The following CSMD3 variants were observed in gnomAD, a reference collection of about 807,000 sequenced individuals.
CSMD3 encodes the protein CUB and Sushi multiple domains 3.
A neutral mutation model predicts 435.2 loss-of-function variants in CSMD3; 177 were observed. That is an observed-to-expected ratio of 0.41 (90% CI 0.36 to 0.46). The LOEUF is 0.46. CSMD3 is among the 20% of genes least tolerant of loss of function. The pLI is 0.34. For synonymous variants in CSMD3, 1,656 were observed against 1,520.5 expected, an observed-to-expected ratio of 1.09 and a Z score of -2.07; for missense variants, 4,265 against 4,504.6, an observed-to-expected ratio of 0.95 and a Z score of 1.52.
At chr8:112,671,329 A>G (rs2075651030) in intron 16 of CSMD3, among the ~76,000 whole-genome samples, 1 of 151,940 alleles carries the variant, frequency 6.6e-6, no homozygotes, top group Middle Eastern at 3.4e-3. Flanking sequence ...GTCTTTTTCA[A>G]TGACCTGGGA....
At chr8:113,092,924 A>T (rs1267220290) in intron 5 of CSMD3, among the ~76,000 whole-genome samples, 1 of 152,096 alleles carries the variant, frequency 6.6e-6, no homozygotes, top group Non-Finnish European at 1.5e-5. Context: ...TCTTTTATTC[A>T]TAGTTAAACC....
At position 112,587,082 on chromosome 8, in the gene CSMD3, T is replaced by A. The variant is rs772548725; in HGVS notation, c.3869A>T (p.Gln1290Leu). 1.2e-6 allele frequency: 2 copies of A among 1,610,426 alleles called. No homozygotes were observed. The highest frequency in any genetic ancestry group is 1.7e-6 in the Non-Finnish European group (2 of 1,177,514). The change falls in exon 23 of 71, where the codon CAA becomes CTA. Residue 1290 changes from glutamine to leucine, a missense_variant. By Grantham distance (113) the Gln-to-Leu change is moderately radical. This residue lies in a region of CSMD3 where 3,255 missense variants were observed against 3,380.2 expected (regional missense o/e 0.96). Coordinates refer to ENST00000297405, the MANE Select transcript of CSMD3 (RefSeq NM_198123.2). ...NISARTFHLA[Q>L]GDVLKIYDGK... ...TTCACCTACCTTAAGAACATCTCCT[T>A]GTGCTAAATGAAATGTTCTGGCTGA...
At chr8:113,270,024 G>A (rs541932856) in intron 3 of CSMD3, among the ~76,000 whole-genome samples, 11 of 151,354 alleles carry the variant, frequency 7.3e-5, no homozygotes, top group African/African-American at 1.9e-4. Flanking sequence ...GAGTGAACAG[G>A]CAACCTACAG....
At chr8:113,021,588 C>T (rs912447281) in intron 5 of CSMD3, among the ~76,000 whole-genome samples, 2 of 152,018 alleles carry the variant, frequency 1.3e-5, no homozygotes, top group African/African-American at 4.8e-5. Flanking sequence ...ACATGAGAAT[C>T]GGCTCCACAA....
chr8:113,312,679 T>C (rs1012024650), intron 2 of CSMD3: 4 of 152,196 alleles, frequency 2.6e-5, no homozygotes, highest in Non-Finnish European at 4.4e-5. Context: ...TATTTTTATA[T>C]ATTTAGGAAA....
At chr8:112,436,595 C>T (rs888737611) in intron 32 of CSMD3, among the ~76,000 whole-genome samples, 1 of 151,068 alleles carries the variant, frequency 6.6e-6, no homozygotes, top group Non-Finnish European at 1.5e-5. Context: ...TATATGTATA[C>T]AAAAAAGTGT....
chr8:112,743,303 A>T lies in CSMD3; in HGVS notation c.1973-53253T>A, dbSNP rs189102956. ...TAAGGCTTACATTCTCACCAAAAAA[A>T]AAAAATAAATAAATAAAAAGAAGAC... On this transcript the variant is annotated intron_variant, in intron 13 of 70. Transcript: ENST00000297405. 7.2e-5 allele frequency among the ~76,000 whole-genome samples: 11 copies of T among 152,012 alleles called. No homozygotes were observed. The East Asian group carries it at 1.4e-3, about 19-fold the overall frequency.
intron 31 of CSMD3, among the ~76,000 whole-genome samples, chr8:112,478,704 G>A (rs1301391192): frequency 2.0e-5 from 3 of 152,158 alleles, no homozygotes; most frequent in Non-Finnish European, 2.9e-5. Flanking sequence ...GGTCCGTGGT[G>A]AAACCCCACC....
chr8:112,690,145 G>T, intron 13 of CSMD3, 95 bp from the exon 14 acceptor site: 2 of 897,972 alleles, frequency 2.2e-6, no homozygotes, highest in Non-Finnish European at 3.6e-6. Context: ...TTGTTGTGGA[G>T]ATATTTCAGA....
At chr8:113,008,981 G>T (rs910371656) in intron 6 of CSMD3, among the ~76,000 whole-genome samples, 1 of 151,110 alleles carries the variant, frequency 6.6e-6, no homozygotes, top group African/African-American at 2.4e-5. Context: ...AAATATATTA[G>T]TAATATTTTA....
intron 7 of CSMD3, among the ~76,000 whole-genome samples, chr8:112,955,507 T>C (rs183327723): frequency 6.6e-6 from 1 of 151,950 alleles, no homozygotes; most frequent in East Asian, 1.9e-4. Flanking sequence ...ATCTATTATG[T>C]CTTTGTGTTG....
At chr8:113,075,669 G>C (rs764400857) in intron 5 of CSMD3, among the ~76,000 whole-genome samples, 1 of 151,760 alleles carries the variant, frequency 6.6e-6, no homozygotes, top group African/African-American at 2.4e-5. Flanking sequence ...TAAGGGTGAT[G>C]AAATATGCCT....
chr8:112,302,162 A>G (rs868656493), intron 52 of CSMD3, among the ~76,000 whole-genome samples, 196 bp from the exon 53 acceptor site: 8 of 152,028 alleles, frequency 5.3e-5, no homozygotes, highest in South Asian at 4.1e-4. Flanking sequence ...ACCCTCTTTA[A>G]GTCCCCATAG....
At chr8:112,400,701 G>A (rs1831250739) in intron 35 of CSMD3, among the ~76,000 whole-genome samples, 2 of 152,096 alleles carry the variant, frequency 1.3e-5, no homozygotes, top group African/African-American at 4.8e-5. Context: ...CCTTTCATAG[G>A]CTTTAGTTCC....
At chr8:113,330,263 T>TA (rs2094017480) in intron 1 of CSMD3, among the ~76,000 whole-genome samples, 1 of 151,988 alleles carries the variant, frequency 6.6e-6, no homozygotes, top group East Asian at 1.9e-4. Flanking sequence ...AATGTTGAAG[T>TA]AAGAAGCTAA....
chr8:113,332,306 T>TA (rs201831037), intron 1 of CSMD3, among the ~76,000 whole-genome samples: 22,227 of 133,334 alleles, frequency 0.17, 2,324 homozygotes, highest in African/African-American at 0.31. Flanking sequence ...TTCAATTGGT[T>TA]AAAAAAAAAA....
chr8:112,746,870 G>A (rs2132079973), intron 13 of CSMD3, among the ~76,000 whole-genome samples: 1 of 152,074 alleles, frequency 6.6e-6, no homozygotes, highest in African/African-American at 2.4e-5. Flanking sequence ...TCTACCACTA[G>A]CTACCTCTTC....
At chr8:113,323,205 G>A (rs146911495) in intron 1 of CSMD3, among the ~76,000 whole-genome samples, 8 of 152,118 alleles carry the variant, frequency 5.3e-5, no homozygotes, top group Non-Finnish European at 1.2e-4. Context: ...CCATAAGAAT[G>A]TAAGTTTCAT....
chr8:113,106,894 T>C (rs2090494550), intron 4 of CSMD3, among the ~76,000 whole-genome samples: 1 of 151,894 alleles, frequency 6.6e-6, no homozygotes, highest in African/African-American at 2.4e-5. Flanking sequence ...AACTCACATG[T>C]GTTCACCCAT....
Sources: gnomAD v4.1 joint callset for allele counts (sites outside exome capture counted in the v4.1 genomes callset) on GRCh38, gnomAD v4.1.1 for gene constraint, gnomAD v4.1.1 regional missense constraint, MANE v1.5 for transcripts, NCBI Gene and HGNC (gene_info 2026-07-23, HGNC 2026-07-21) for gene names.